C10orf90: variants seen among roughly 807,000 people sequenced by gnomAD.
C10orf90 encodes the protein (E2-independent) E3 ubiquitin-conjugating enzyme FATS.
C10orf90 carries 56 observed loss-of-function variants against 62.5 expected under a neutral mutation model. The ratio of observed to expected loss-of-function variants is 0.90; its 90% CI spans 0.72 to 1.12. The LOEUF (loss-of-function observed/expected upper bound fraction) is 1.12, where lower values mean the gene tolerates loss of function less well. C10orf90 is among the 50% of genes most tolerant of loss of function. The probability of loss-of-function intolerance (pLI) is 0.00; values close to 1 mark genes in which losing one functional copy is unlikely to be tolerated. For synonymous variants in C10orf90, 386 were observed against 340.4 expected, an observed-to-expected ratio of 1.13 and a Z score of -1.47; for missense variants, 970 against 880.4, an observed-to-expected ratio of 1.10 and a Z score of -1.29.
At chr10:126,562,975 G>C (rs1035120854) in intron 2 of C10orf90, among the ~76,000 whole-genome samples, 2 of 152,226 alleles carry the variant, frequency 1.3e-5, no homozygotes, top group Non-Finnish European at 2.9e-5. Flanking sequence ...TCATGGGCTG[G>C]GCGGAGGGAC....
chr10:126,635,360 G>C (rs971042623), intron 2 of C10orf90, among the ~76,000 whole-genome samples: 4 of 152,276 alleles, frequency 2.6e-5, no homozygotes, highest in Middle Eastern at 3.4e-3. Flanking sequence ...GGCATGGGGG[G>C]TGCGGGGAGA....
At position 126,482,249 on chromosome 10, in the gene C10orf90, G is replaced by A. The variant is rs12573456; in HGVS notation, c.1535-17263C>T. ...GGGTATCAGTCCTGACTCTTATGAGGGGGAGGGGAAAGGGATCACTCCTTT... is the reference window on the plus strand; with the variant it reads ...GGGTATCAGTCCTGACTCTTATGAGAGGGAGGGGAAAGGGATCACTCCTTT... On this transcript the variant is annotated intron_variant, in intron 4 of 9. Transcript: ENST00000488181. 3.3e-3 allele frequency among the ~76,000 whole-genome samples: 497 copies of A among 152,260 alleles called. 6 individuals are homozygous for A. In the East Asian group the frequency reaches 0.047, roughly 15 times the overall value.
At chr10:126,438,951 T>C (rs1435048683) in intron 7 of C10orf90, among the ~76,000 whole-genome samples, 1 of 151,950 alleles carries the variant, frequency 6.6e-6, no homozygotes, top group African/African-American at 2.4e-5. Context: ...TTGTGTTCCC[T>C]CCATATGTAC....
intron 1 of C10orf90, among the ~76,000 whole-genome samples, chr10:126,661,823 T>C (rs4962351): frequency 0.96 from 145,396 of 152,180 alleles, 69,777 homozygotes; most frequent in East Asian, 1. Flanking sequence ...AAAAATCATC[T>C]ATTTCTTGCC....
chr10:126,514,782 C>T (rs1043879491), intron 2 of C10orf90, among the ~76,000 whole-genome samples: 1 of 152,110 alleles, frequency 6.6e-6, no homozygotes, highest in African/African-American at 2.4e-5. Flanking sequence ...CCTGCGCCCC[C>T]CTCTCCACCC....
intron 2 of C10orf90, among the ~76,000 whole-genome samples, chr10:126,535,327 C>T (rs139762614): frequency 0.011 from 1,671 of 151,920 alleles, 39 homozygotes; most frequent in African/African-American, 0.038. Flanking sequence ...ACCATCCTGG[C>T]TAACAAGGTG....
chr10:126,544,428 C>G (rs1424892108), intron 2 of C10orf90, among the ~76,000 whole-genome samples: 1 of 152,168 alleles, frequency 6.6e-6, no homozygotes, highest in Admixed American at 6.5e-5. Context: ...GCCACTACCC[C>G]TGCTGGGGGC....
At chr10:126,578,430 A>C (rs915998675) in intron 2 of C10orf90, among the ~76,000 whole-genome samples, 4 of 152,214 alleles carry the variant, frequency 2.6e-5, no homozygotes, top group African/African-American at 9.6e-5. Context: ...AACCACTATC[A>C]GAAACCACGA....
chr10:126,567,274 G>A lies in C10orf90; in HGVS notation c.314-53335C>T, dbSNP rs77087693. ...TTTCCTTCATAGTGAAAGGCGAAGG[G>A]CAAGCAGGCATGTCTTCACTTGGCT... is the stretch of plus-strand genomic sequence containing the variant. On this transcript the variant is annotated intron_variant, in intron 2 of 9. Coordinates refer to ENST00000488181, the MANE Select transcript of C10orf90 (RefSeq NM_001350921.2). 7.6e-3 allele frequency among the ~76,000 whole-genome samples: 1,161 copies of A among 152,262 alleles called. 9 individuals carry two copies. The highest frequency in any genetic ancestry group is 0.024 in the African/African-American group (1,004 of 41,544).
At chr10:126,570,320 C>T (rs140676564) in intron 2 of C10orf90, among the ~76,000 whole-genome samples, 8 of 152,374 alleles carry the variant, frequency 5.3e-5, no homozygotes, top group African/African-American at 1.9e-4. Context: ...ACTTTACGCA[C>T]TGCCTAACTT....
At chr10:126,596,201 G>A (rs888169858) in intron 2 of C10orf90, among the ~76,000 whole-genome samples, 27 of 151,574 alleles carry the variant, frequency 1.8e-4, no homozygotes, top group African/African-American at 6.3e-4. Flanking sequence ...TACTCAGGGG[G>A]CTGAGGTTGG....
At chr10:126,462,453 C>T (rs1342100750) in intron 5 of C10orf90, among the ~76,000 whole-genome samples, 1 of 152,152 alleles carries the variant, frequency 6.6e-6, no homozygotes, top group African/African-American at 2.4e-5. Flanking sequence ...GAGTCCAAAC[C>T]TTCCAAAAGT....
At position 126,504,534 on chromosome 10, in the gene C10orf90, G is replaced by A; in HGVS notation, c.957C>T (p.Tyr319=). 1.2e-6 allele frequency: 2 copies of A among 1,614,254 alleles called. No individual in the cohort carries two copies. Among genetic ancestry groups the A allele is most frequent in the South Asian group, 2.2e-5 (2 of 91,084 alleles). ...AHTGLCERRK[Y]WVTHADDKET... The stretch of plus-strand genomic sequence containing the variant: ...CTTTGTCGTCTGCATGGGTGACCCA[G>A]TACTTGCGTCTCTCACACAACCCAG... The change falls in exon 4 of 10, where the codon TAC becomes TAT. Residue 319 remains tyrosine (Y), a synonymous_variant. Transcript: ENST00000488181. The surrounding 1 kb of genome is among the most constrained non-coding windows in gnomAD (Gnocchi z 4.1).
chr10:126,524,599 T>C (rs1253609465), intron 2 of C10orf90: 6 of 983,158 alleles, frequency 6.1e-6, no homozygotes, highest in Admixed American at 1.2e-4. Context: ...GGAGCCTTAG[T>C]AGGACACAGC....
chr10:126,653,282 G>A (rs748015638), intron 1 of C10orf90, among the ~76,000 whole-genome samples: 10 of 152,178 alleles, frequency 6.6e-5, no homozygotes, highest in Non-Finnish European at 1.3e-4. Flanking sequence ...AAGTTGTTTG[G>A]AGGCATTTCA....
intron 2 of C10orf90, among the ~76,000 whole-genome samples, chr10:126,551,854 T>C (rs7916890): frequency 0.26 from 39,784 of 152,138 alleles, 5,632 homozygotes; most frequent in East Asian, 0.39. Flanking sequence ...TATGTGTCCG[T>C]TTGTTGGTAA....
In C10orf90 at chr10:126,458,969, G is replaced by A. The variant is rs955781205; in HGVS notation, c.2188+71C>T. 3.3e-6 allele frequency: 5 copies of A among 1,504,712 alleles called. No homozygotes were observed. In the South Asian group the frequency reaches 5.1e-5, roughly 15 times the overall value. 93.2% of individuals were successfully genotyped at this position (1,504,712 alleles called of 1,614,324 possible). A position where few individuals can be genotyped will look rare whatever the true frequency, so the allele number is the denominator to read the frequency against. ...CATCATTTGGAGCCATCACCCCTGA[G>A]TGAAGCCTCCAGCTCCAGGAACCCC... On this transcript the variant is annotated intron_variant, in intron 7 of 9. Transcript: ENST00000488181.
intron 2 of C10orf90, chr10:126,524,735 C>T (rs902884761): frequency 1.0e-6 from 1 of 985,390 alleles, no homozygotes; most frequent in Non-Finnish European, 1.2e-6. Flanking sequence ...GTGCACGCAC[C>T]TGTATGGCCC....
chr10:126,495,946 A>T (rs572615705), intron 4 of C10orf90, among the ~76,000 whole-genome samples: 2 of 152,304 alleles, frequency 1.3e-5, no homozygotes, highest in East Asian at 3.9e-4. Flanking sequence ...GGCACTCTTT[A>T]CGTAAATTAC....
Sources: gnomAD v4.1 joint callset for allele counts (sites outside exome capture counted in the v4.1 genomes callset) on GRCh38, gnomAD v4.1.1 for gene constraint, Gnocchi (gnomAD v3.1) non-coding constraint, MANE v1.5 for transcripts, NCBI Gene and HGNC (gene_info 2026-07-23, HGNC 2026-07-21) for gene names.